DLGAP2: variants seen among roughly 807,000 people sequenced by gnomAD.
DLGAP2 encodes DLG associated protein 2, also known as disks large-associated protein 2.
In DLGAP2, 26 loss-of-function variants were observed where a neutral mutation model predicts 100.3. That is an observed-to-expected ratio of 0.26 (90% CI 0.19 to 0.36). DLGAP2 has a LOEUF of 0.36. DLGAP2 is among the 10% of genes least tolerant of loss of function. The pLI, the probability that DLGAP2 is intolerant of heterozygous loss-of-function variation, is 1.00. For missense variants in DLGAP2, 1,858 were observed against 1,453.2 expected (o/e 1.28, Z -4.53); for synonymous variants, 886 against 630.1 (o/e 1.41, Z -6.08).
intron 12 of DLGAP2, among the ~76,000 whole-genome samples, chr8:1,681,251 T>G (rs1050552198): frequency 2.6e-5 from 4 of 152,280 alleles, no homozygotes; most frequent in African/African-American, 9.6e-5. Flanking sequence ...AGACTACTTC[T>G]CCTGTCATCA....
intron 4 of DLGAP2, among the ~76,000 whole-genome samples, chr8:1,516,021 A>ATGAG (rs3060447): frequency 0.68 from 103,120 of 150,620 alleles, 35,779 homozygotes; most frequent in South Asian, 0.79. Flanking sequence ...GAGTGCATGA[A>ATGAG]TGAGTGAGTG....
chr8:1,428,761 G>A (rs576738982), intron 3 of DLGAP2, among the ~76,000 whole-genome samples: 2 of 152,338 alleles, frequency 1.3e-5, no homozygotes, highest in East Asian at 3.9e-4. Context: ...TTGCAGGCAG[G>A]AAGAGGCCAT....
intron 4 of DLGAP2, among the ~76,000 whole-genome samples, chr8:1,534,842 C>T (rs1323659198): frequency 1.3e-5 from 2 of 152,118 alleles, no homozygotes; most frequent in Admixed American, 6.6e-5. Context: ...CGTGTGCTTG[C>T]GTGTGTGTGA....
intron 3 of DLGAP2, among the ~76,000 whole-genome samples, chr8:1,334,228 CT>C (rs1414500967): frequency 6.6e-6 from 1 of 152,236 alleles, no homozygotes; most frequent in Non-Finnish European, 1.5e-5. Flanking sequence ...CAGCTTTTGG[CT>C]GCACACCTGA....
At chr8:1,533,901 G>A (rs1368680602) in intron 4 of DLGAP2, among the ~76,000 whole-genome samples, 1 of 152,144 alleles carries the variant, frequency 6.6e-6, no homozygotes, top group African/African-American at 2.4e-5. Context: ...GCGACAGTGA[G>A]CTATCATCAC....
At chr8:995,486 T>C (rs963941547) in intron 2 of DLGAP2, among the ~76,000 whole-genome samples, 17 of 152,364 alleles carry the variant, frequency 1.1e-4, no homozygotes, top group Middle Eastern at 3.4e-3. Flanking sequence ...TTTCGTCTTA[T>C]AGTTTGCATT....
chr8:817,004 G>A (rs1012684943), intron 1 of DLGAP2, among the ~76,000 whole-genome samples: 11 of 152,180 alleles, frequency 7.2e-5, no homozygotes, highest in African/African-American at 2.2e-4. Context: ...AGCCTGGCGC[G>A]GTGGTGGGCG....
At chr8:1,604,130 C>G (rs1223716499) in intron 6 of DLGAP2, among the ~76,000 whole-genome samples, 1 of 152,190 alleles carries the variant, frequency 6.6e-6, no homozygotes, top group East Asian at 1.9e-4. Flanking sequence ...TTTGTGGACA[C>G]TGCAGACACT....
intron 2 of DLGAP2, among the ~76,000 whole-genome samples, chr8:912,731 C>T (rs931150715): frequency 2.8e-5 from 4 of 143,976 alleles, no homozygotes; most frequent in African/African-American, 5.3e-5. Flanking sequence ...CTGACCCCTG[C>T]GCTATGGTGC....
intron 4 of DLGAP2, among the ~76,000 whole-genome samples, chr8:1,515,788 G>T (rs574366130): frequency 1.1e-4 from 17 of 152,262 alleles, no homozygotes; most frequent in Admixed American, 9.8e-4. Context: ...CAACACACCT[G>T]ACCTGTCTGC....
rs143749240 is a variant in DLGAP2, at chr8:1,543,799, C to A, written c.173-4827C>A. On this transcript the variant is annotated intron_variant, in intron 4 of 14. Transcript: ENST00000637795. ...ACCTCATCTTAACCATTAAGTCTGC[C>A]AATCTATGAACATAGGATGTCTTTT... Among the ~76,000 whole-genome samples the A allele has an allele frequency of 2.8e-3, 421 of 152,326 alleles. 1 individual carries two copies. The highest frequency in any genetic ancestry group is 9.6e-3 in the African/African-American group (401 of 41,596).
At chr8:1,278,751 A>G (rs895384372) in intron 3 of DLGAP2, among the ~76,000 whole-genome samples, 3 of 152,244 alleles carry the variant, frequency 2.0e-5, no homozygotes, top group East Asian at 3.9e-4. Context: ...GAATTACATA[A>G]TGAAGATCCC....
intron 1 of DLGAP2, among the ~76,000 whole-genome samples, chr8:745,859 T>A (rs1401602685): frequency 6.6e-6 from 1 of 152,226 alleles, no homozygotes; most frequent in Non-Finnish European, 1.5e-5. Context: ...CTACTGAGTT[T>A]GGAGCATAAA....
intron 2 of DLGAP2, among the ~76,000 whole-genome samples, chr8:978,730 A>T (rs1049243618): frequency 1.3e-5 from 2 of 152,104 alleles, no homozygotes; most frequent in Admixed American, 1.3e-4. Context: ...CCACGCGGGC[A>T]TGTGTATATC....
chr8:1,379,409 C>T (rs907225224), intron 3 of DLGAP2, among the ~76,000 whole-genome samples: 11 of 152,368 alleles, frequency 7.2e-5, no homozygotes, highest in Non-Finnish European at 1.0e-4. Context: ...GGTGGAGAAA[C>T]GGGCAGGGAG....
intron 5 of DLGAP2, among the ~76,000 whole-genome samples, chr8:1,564,264 G>T (rs1481423661): frequency 6.6e-6 from 1 of 152,146 alleles, no homozygotes; most frequent in South Asian, 2.1e-4. Context: ...AGCAGCTCCC[G>T]CAATGGAAAC....
At chr8:1,154,895 C>A (rs537555899) in intron 2 of DLGAP2, among the ~76,000 whole-genome samples, 1 of 152,330 alleles carries the variant, frequency 6.6e-6, no homozygotes, top group South Asian at 2.1e-4. Context: ...TACCTGGACG[C>A]GCAGTGTCCT....
At chr8:1,355,403 C>T (rs1801824678) in intron 3 of DLGAP2, among the ~76,000 whole-genome samples, 1 of 152,016 alleles carries the variant, frequency 6.6e-6, no homozygotes, top group Non-Finnish European at 1.5e-5. Flanking sequence ...CTCGCTCTGT[C>T]ACCCAGGTTG....
intron 1 of DLGAP2, among the ~76,000 whole-genome samples, chr8:828,573 A>G (rs1326963881): frequency 6.6e-6 from 1 of 152,206 alleles, no homozygotes; most frequent in Non-Finnish European, 1.5e-5. Flanking sequence ...CACATGCTGT[A>G]CAATTTGTGC....
Sources: allele counts gnomAD v4.1 joint callset (sites outside exome capture counted in the v4.1 genomes callset), GRCh38; gene constraint gnomAD v4.1.1; transcripts MANE v1.5; gene names NCBI Gene and HGNC (gene_info 2026-07-23, HGNC 2026-07-21).